The following IGFBP7 variants were observed in gnomAD, a reference collection of about 807,000 sequenced individuals.
The protein encoded by IGFBP7 is insulin like growth factor binding protein 7.
Under a neutral mutation model 29.4 loss-of-function variants are expected in IGFBP7, and 31 were observed. The observed-to-expected ratio is 1.05, with a 90% CI of 0.79 to 1.42. The LOEUF (loss-of-function observed/expected upper bound fraction) is 1.42, where lower values mean the gene tolerates loss of function less well. IGFBP7 is among the 40% of genes most tolerant of loss of function. The pLI is 0.00. For missense variants in IGFBP7, 393 were observed against 395.5 expected (o/e 0.99, Z 0.05); for synonymous variants, 172 against 174.9 (o/e 0.98, Z 0.13).
intron 1 of IGFBP7, 120 bp downstream of exon 1, chr4:57,109,757 G>A (rs1159259619): frequency 8.0e-7 from 1 of 1,247,434 alleles, no homozygotes; most frequent in Non-Finnish European, 1.1e-6. Context: ...TGGCTCCTGG[G>A]ATGCCCGCGG....
At chr4:57,048,400 ATTATT>A (rs1430809082) in intron 1 of IGFBP7, among the ~76,000 whole-genome samples, 2 of 152,216 alleles carry the variant, frequency 1.3e-5, no homozygotes, top group Non-Finnish European at 2.9e-5. Context: ...AGACTACCAG[ATTATT>A]TTAAGAATAT....
chr4:57,103,887 G>A (rs1405517892), intron 1 of IGFBP7, among the ~76,000 whole-genome samples: 1 of 151,364 alleles, frequency 6.6e-6, no homozygotes, highest in Non-Finnish European at 1.5e-5. Context: ...CAATTTTCAG[G>A]TATATAATAT....
intron 1 of IGFBP7, among the ~76,000 whole-genome samples, chr4:57,080,647 C>T (rs1725344502): frequency 6.6e-6 from 1 of 152,192 alleles, no homozygotes; most frequent in Non-Finnish European, 1.5e-5. Flanking sequence ...CCCACTCCAG[C>T]CTCCTAAGTG....
At chr4:57,059,307 G>T (rs1056281291) in intron 1 of IGFBP7, among the ~76,000 whole-genome samples, 3 of 152,164 alleles carry the variant, frequency 2.0e-5, no homozygotes, top group African/African-American at 7.2e-5. Flanking sequence ...AATGTTCATT[G>T]CAGCACTATT....
rs115262443 is a variant in IGFBP7, at chr4:57,046,502, C to T, written c.476-5569G>A. 5.5e-3 allele frequency among the ~76,000 whole-genome samples: 837 copies of T among 152,216 alleles called. 6 individuals carry two copies. The highest frequency in any genetic ancestry group is 0.024 in the Middle Eastern group (7 of 294). The stretch of plus-strand genomic sequence containing the variant: ...AGCTAATTTTCTCATACAGAAAGCT[C>T]AAAATCAGTCCTCAAGGCCAGGTCA... On this transcript the variant is annotated intron_variant, in intron 1 of 4. Coordinates refer to ENST00000295666, the MANE Select transcript of IGFBP7 (RefSeq NM_001553.3).
intron 1 of IGFBP7, among the ~76,000 whole-genome samples, chr4:57,055,010 G>A (rs1724619336): frequency 6.6e-6 from 1 of 152,204 alleles, no homozygotes; most frequent in Admixed American, 6.5e-5. Context: ...GAGGCTGACG[G>A]CACTGGAAAG....
At chr4:57,060,668 G>T (rs1316938626) in intron 1 of IGFBP7, among the ~76,000 whole-genome samples, 1 of 152,168 alleles carries the variant, frequency 6.6e-6, no homozygotes, top group African/African-American at 2.4e-5. Context: ...CCAGCACTTT[G>T]GGAGGCTGAG....
chr4:57,054,637 C>CAAAAAAA (rs1724599733), intron 1 of IGFBP7, among the ~76,000 whole-genome samples: 3 of 125,878 alleles, frequency 2.4e-5, no homozygotes, highest in Non-Finnish European at 4.9e-5. Context: ...GGCTCTCTCT[C>CAAAAAAA]ACAAAAAAAA....
At chr4:57,104,209 A>T (rs993443178) in intron 1 of IGFBP7, among the ~76,000 whole-genome samples, 7 of 152,048 alleles carry the variant, frequency 4.6e-5, no homozygotes, top group Non-Finnish European at 1.0e-4. Flanking sequence ...GCTGAATAGT[A>T]TTCTATTGTA....
At chr4:57,091,918 CAGG>C (rs1174939881) in intron 1 of IGFBP7, among the ~76,000 whole-genome samples, 2 of 152,160 alleles carry the variant, frequency 1.3e-5, no homozygotes, top group African/African-American at 2.4e-5. Context: ...CTGTCCCTCA[CAGG>C]AGGAGAATAA....
chr4:57,055,992 G>C (rs1724661339), intron 1 of IGFBP7, among the ~76,000 whole-genome samples: 1 of 152,064 alleles, frequency 6.6e-6, no homozygotes, highest in Admixed American at 6.6e-5. Context: ...GTTTGTACTT[G>C]CGTATGTTTT....
chr4:57,095,235 T>C (rs1725733340), intron 1 of IGFBP7, among the ~76,000 whole-genome samples: 1 of 152,212 alleles, frequency 6.6e-6, no homozygotes, highest in Admixed American at 6.5e-5. Context: ...ATAACGTGCC[T>C]TTAAACAGAA....
chr4:57,034,747 A>C (rs1026855190), intron 2 of IGFBP7, among the ~76,000 whole-genome samples: 1 of 152,294 alleles, frequency 6.6e-6, no homozygotes, highest in Non-Finnish European at 1.5e-5. Flanking sequence ...CATGTGATCT[A>C]GGCCAATTCC....
At chr4:57,069,431 T>C (rs1725001808) in intron 1 of IGFBP7, among the ~76,000 whole-genome samples, 1 of 151,900 alleles carries the variant, frequency 6.6e-6, no homozygotes, top group African/African-American at 2.4e-5. Context: ...CTACAAAAAA[T>C]AAAACAAAAA....
intron 2 of IGFBP7, among the ~76,000 whole-genome samples, chr4:57,034,446 TAGAA>T (rs963382690): frequency 1.4e-4 from 21 of 152,144 alleles, no homozygotes; most frequent in African/African-American, 4.8e-4. Context: ...CCTTTGTAAT[TAGAA>T]AGGATTTACA....
At chr4:57,103,092 C>T (rs1259442162) in intron 1 of IGFBP7, among the ~76,000 whole-genome samples, 1 of 152,168 alleles carries the variant, frequency 6.6e-6, no homozygotes, top group Non-Finnish European at 1.5e-5. Flanking sequence ...AAGCAGCTTG[C>T]CATGGCAGGC....
intron 1 of IGFBP7, among the ~76,000 whole-genome samples, chr4:57,059,735 C>T (rs367684021): frequency 3.9e-5 from 6 of 152,032 alleles, no homozygotes; most frequent in African/African-American, 1.2e-4. Context: ...ACATGTACCC[C>T]CAAACCTAAA....
intron 1 of IGFBP7, chr4:57,065,641 T>C (rs113038245): frequency 4.1e-4 from 63 of 152,348 alleles, no homozygotes; most frequent in African/African-American, 1.5e-3. Context: ...TGAAGGAGCA[T>C]CTCCAGTGGA....
intron 1 of IGFBP7, among the ~76,000 whole-genome samples, chr4:57,078,972 C>A (rs1725296684): frequency 1.3e-5 from 2 of 152,214 alleles, no homozygotes; most frequent in South Asian, 4.1e-4. Context: ...TTCTCTGGCT[C>A]AATTCAATAC....
Sources: allele counts gnomAD v4.1 joint callset (sites outside exome capture counted in the v4.1 genomes callset), GRCh38; gene constraint gnomAD v4.1.1; transcripts MANE v1.5; gene names NCBI Gene and HGNC (gene_info 2026-07-23, HGNC 2026-07-21).